EFCAB7: variants seen among roughly 807,000 people sequenced by gnomAD.
The protein encoded by EFCAB7 is EF-hand calcium binding domain 7, also known as EF-hand calcium-binding domain-containing protein 7.
A neutral mutation model predicts 77.1 loss-of-function variants in EFCAB7; 66 were observed. The observed-to-expected ratio is 0.86, with a 90% CI of 0.70 to 1.05. The LOEUF is 1.05. EFCAB7 is among the 50% of genes least tolerant of loss of function. The probability of loss-of-function intolerance (pLI) is 0.00; values close to 1 mark genes in which losing one functional copy is unlikely to be tolerated. For missense variants in EFCAB7, 638 were observed against 730.5 expected, an observed-to-expected ratio of 0.87 and a Z score of 1.46; for synonymous variants, 225 against 243.3, an observed-to-expected ratio of 0.92 and a Z score of 0.70.
chr1:63,578,472 CGCTCTGTCATCCAG>C, the EFCAB7 span, among the ~76,000 whole-genome samples: 2 of 145,198 alleles, frequency 1.4e-5, no homozygotes, highest in African/African-American at 5.2e-5. Context: ...GAGACAGTCT[CGCTCTGTCATCCAG>C]GCTGGAGTGC....
At position 63,560,853 on chromosome 1, in the gene EFCAB7, C is replaced by T. The variant is rs547627943; in HGVS notation, c.1349-856C>T. Among the ~76,000 whole-genome samples the T allele has an allele frequency of 6.4e-4, 97 of 152,160 alleles. 1 individual carries two copies. The highest frequency in any genetic ancestry group is 2.0e-3 in the African/African-American group (82 of 41,518). ...TGTTTTAAGCTATTAATCAGTCAAC[C>T]GGTTTTACACAGTTATGTCTCTGCT... On this transcript the variant is annotated intron_variant, in intron 10 of 13. Transcript: ENST00000371088.
In EFCAB7 at chr1:63,562,445, TTATTTATATATATATATATATATATA is replaced by T. The variant is rs1279031449; in HGVS notation, c.1497+592_1497+617del. Among the ~76,000 whole-genome samples the T allele has an allele frequency of 8.0e-3, 566 of 71,068 alleles. 7 individuals carry two copies. The highest frequency in any genetic ancestry group is 0.011 in the Non-Finnish European group (411 of 37,892). The allele number at this position is 71,068 out of a possible 152,430, so 46.6% of individuals were successfully genotyped here. A position where few individuals can be genotyped will look rare whatever the true frequency, so the allele number is the denominator to read the frequency against. On this transcript the variant is annotated intron_variant, in intron 11 of 13. Coordinates refer to ENST00000371088, the MANE Select transcript of EFCAB7 (RefSeq NM_032437.4). Reference sequence around the variant, plus strand: ...AATTTAAAAATTAGGCCTTCTTAATTTATTTATATATATATATATATATATATATATATATATATATATATATATAA... The same window carrying T: ...AATTTAAAAATTAGGCCTTCTTAATTTATATATATATATATATATATATAA...
intron 2 of EFCAB7, chr1:63,529,116 A>AAAATAC (rs1282249166): frequency 2.0e-5 from 3 of 152,218 alleles, no homozygotes; most frequent in Non-Finnish European, 4.4e-5. Flanking sequence ...CACACTAGGC[A>AAAATAC]AAATACTTAC....
rs1349968583 is a variant in EFCAB7 at position 63,568,302 on chromosome 1, C to G, written c.1498-8C>G. 1 of 1,576,744 alleles carries G rather than the reference C, an allele frequency of 6.3e-7. No homozygotes were observed. The highest frequency in any genetic ancestry group is 1.4e-5 in the African/African-American group (1 of 72,304). The stretch of plus-strand genomic sequence containing the variant: ...AAAGGCTGAAACAAGATTTTTTTTT[C>G]CTATCAGGCATGTCCATTTGTCATT... On this transcript the variant is annotated splice_polypyrimidine_tract_variant and splice_region_variant and intron_variant, in intron 11 of 13. Transcript: ENST00000371088.
intron 6 of EFCAB7, among the ~76,000 whole-genome samples, chr1:63,537,644 C>A (rs1464965981): frequency 1.3e-5 from 2 of 151,970 alleles, no homozygotes; most frequent in African/African-American, 4.8e-5. Flanking sequence ...TCAATTTTAC[C>A]CTCCATAAAT....
At chr1:63,558,832 G>A (rs914895835) in intron 10 of EFCAB7, among the ~76,000 whole-genome samples, 7 of 151,352 alleles carry the variant, frequency 4.6e-5, no homozygotes, top group African/African-American at 7.3e-5. Context: ...GCGTGATCTC[G>A]GCTCACTGCA....
chr1:63,551,706 C>CTT lies in EFCAB7; in HGVS notation c.947-10_947-9dup. ...GATTGCTTATTTTAAGGTGTTTGGG[C>CTT]TTTTTTTTTTGTTTGTAGGAAAACC... is the stretch of plus-strand genomic sequence containing the variant. On this transcript the variant is annotated intron_variant, in intron 7 of 13. Transcript: ENST00000371088. 2.3e-5 allele frequency: 27 copies of CTT among 1,190,404 alleles called. No individual in the cohort carries two copies. Among genetic ancestry groups the CTT allele is most frequent in the Admixed American group, 8.0e-5 (3 of 37,584 alleles). 73.7% of individuals were successfully genotyped at this position (1,190,404 alleles called of 1,614,324 possible).
intron 7 of EFCAB7, chr1:63,547,389 A>G (rs1646911844): frequency 2.0e-5 from 3 of 152,254 alleles, no homozygotes; most frequent in African/African-American, 7.2e-5. Context: ...CATAATAAAC[A>G]TAATAAATAG....
chr1:63,524,100 A>G (rs1019903904), intron 1 of EFCAB7, among the ~76,000 whole-genome samples: 1 of 152,168 alleles, frequency 6.6e-6, no homozygotes, highest in Admixed American at 6.5e-5. Flanking sequence ...GGAAAAGAAT[A>G]AAATTCTGGC....
At chr1:63,531,426 A>G (rs1221587278) in intron 2 of EFCAB7, among the ~76,000 whole-genome samples, 1 of 152,018 alleles carries the variant, frequency 6.6e-6, no homozygotes, top group Non-Finnish European at 1.5e-5. Context: ...ACTAATTTAT[A>G]CTTTTTGTGT....
Position 63,532,666 on chromosome 1 carries a change from TC to T in EFCAB7, c.400-3del. ...TTAAAATAAATCTTGTTTTTTTTTT[TC>T]AGAGAGGTGAGAAGATGACTCGAGA... On this transcript the variant is annotated splice_region_variant and splice_polypyrimidine_tract_variant and intron_variant, in intron 3 of 13. Coordinates refer to ENST00000371088, the MANE Select transcript of EFCAB7 (RefSeq NM_032437.4). 1.3e-6 allele frequency: 2 copies of T among 1,583,544 alleles called. No homozygotes were observed. The highest frequency in any genetic ancestry group is 1.7e-6 in the Non-Finnish European group (2 of 1,170,692).
intron 11 of EFCAB7, among the ~76,000 whole-genome samples, chr1:63,563,327 G>A (rs1647132668): frequency 6.6e-6 from 1 of 152,148 alleles, no homozygotes; most frequent in South Asian, 2.1e-4. Context: ...ACATTGGAAA[G>A]TATCAATAGA....
chr1:63,523,847 A>G (rs1405074419), intron 1 of EFCAB7, among the ~76,000 whole-genome samples: 1 of 152,202 alleles, frequency 6.6e-6, no homozygotes, highest in Non-Finnish European at 1.5e-5. Flanking sequence ...TTCACTGTGT[A>G]GGGACGGTGA....
At chr1:63,576,873 G>T (rs1647436918), downstream of EFCAB7, among the ~76,000 whole-genome samples, 1 of 150,962 alleles carries the variant, frequency 6.6e-6, no homozygotes, top group South Asian at 2.1e-4. Context: ...CTCTTGGCCG[G>T]GTGCTGTGTC....
chr1:63,562,395 C>G (rs535914395), intron 11 of EFCAB7, among the ~76,000 whole-genome samples: 1 of 134,924 alleles, frequency 7.4e-6, no homozygotes, highest in East Asian at 2.1e-4. Context: ...GAACAGGGCT[C>G]GTAATAAACC....
At chr1:63,562,450 TA>T (rs1159039165) in intron 11 of EFCAB7, among the ~76,000 whole-genome samples, 2 of 3,700 alleles carry the variant, frequency 5.4e-4, no homozygotes, top group South Asian at 0.026. Flanking sequence ...TTAATTTATT[TA>T]TATATATATA....
the EFCAB7 span, among the ~76,000 whole-genome samples, chr1:63,581,410 G>A: frequency 6.7e-6 from 1 of 149,392 alleles, no homozygotes; most frequent in South Asian, 2.1e-4. Flanking sequence ...AAAAAAGGGT[G>A]GATGCTCAAT....
intron 10 of EFCAB7, among the ~76,000 whole-genome samples, chr1:63,559,703 T>C (rs1296382675): frequency 1.3e-5 from 2 of 152,138 alleles, no homozygotes; most frequent in Admixed American, 1.3e-4. Flanking sequence ...GGGTTCACTC[T>C]TGTCTTGTAC....
chr1:63,529,243 T>G (rs1314351510), intron 2 of EFCAB7: 3 of 152,192 alleles, frequency 2.0e-5, no homozygotes, highest in Non-Finnish European at 4.4e-5. Flanking sequence ...CACAAAGCCT[T>G]TATAGGTATA....
Sources: allele counts gnomAD v4.1 joint callset (sites outside exome capture counted in the v4.1 genomes callset), GRCh38; gene constraint gnomAD v4.1.1; transcripts MANE v1.5; gene names NCBI Gene and HGNC (gene_info 2026-07-23, HGNC 2026-07-21).